The following GAS7 variants were observed in gnomAD, a reference collection of about 807,000 sequenced individuals.
GAS7 encodes growth arrest-specific protein 7.
In GAS7, 28 loss-of-function variants were observed where a neutral mutation model predicts 71.1. The ratio of observed to expected loss-of-function variants is 0.39; its 90% CI spans 0.29 to 0.54. The LOEUF (loss-of-function observed/expected upper bound fraction) is 0.54. Among genes scored for constraint, GAS7 ranks in the 20% least tolerant of loss-of-function variants. GAS7 has a pLI of 0.62. For missense variants in GAS7, 436 were observed against 627.8 expected, an observed-to-expected ratio of 0.69 and a Z score of 3.27; for synonymous variants, 258 against 245.8, an observed-to-expected ratio of 1.05 and a Z score of -0.46.
At chr17:10,159,892 C>T (rs1210533881) in intron 1 of GAS7, among the ~76,000 whole-genome samples, 1 of 150,854 alleles carries the variant, frequency 6.6e-6, no homozygotes, top group African/African-American at 2.4e-5. Flanking sequence ...CTCAAGTGAT[C>T]CTCCCACCTC....
intron 1 of GAS7, among the ~76,000 whole-genome samples, chr17:10,142,590 G>T (rs2074091513): frequency 6.6e-6 from 1 of 152,090 alleles, no homozygotes. Context: ...GACCTCAGGT[G>T]ATCAGCCCGC....
intron 1 of GAS7, among the ~76,000 whole-genome samples, chr17:10,187,167 T>C (rs1301476615): frequency 6.6e-6 from 1 of 152,202 alleles, no homozygotes; most frequent in African/African-American, 2.4e-5. Context: ...TCATGTGTCA[T>C]TCCTGGGCAA....
At chr17:10,043,491 A>C (rs1176707030) in intron 1 of GAS7, among the ~76,000 whole-genome samples, 1 of 152,280 alleles carries the variant, frequency 6.6e-6, no homozygotes, top group Non-Finnish European at 1.5e-5. Flanking sequence ...TCAAAAGTTA[A>C]CTACTAACAA....
chr17:10,186,402 C>CTT (rs71139025), intron 1 of GAS7, among the ~76,000 whole-genome samples: 24 of 128,122 alleles, frequency 1.9e-4, no homozygotes, highest in Admixed American at 5.8e-4. Context: ...TATTCAAAGG[C>CTT]TTTTTTTTTT....
At chr17:9,930,862 A>G (rs1184049032) in intron 9 of GAS7, among the ~76,000 whole-genome samples, 1 of 152,172 alleles carries the variant, frequency 6.6e-6, no homozygotes, top group African/African-American at 2.4e-5. Context: ...GGCCACCAAC[A>G]CTGACCGACA....
chr17:10,175,183 G>A (rs2074364350), intron 1 of GAS7, among the ~76,000 whole-genome samples: 1 of 148,878 alleles, frequency 6.7e-6, no homozygotes, highest in African/African-American at 2.5e-5. Context: ...GTAAAGAAGT[G>A]AACTATATAA....
intron 1 of GAS7, among the ~76,000 whole-genome samples, chr17:10,168,985 AT>A (rs1419912313): frequency 1.4e-5 from 2 of 148,146 alleles, no homozygotes; most frequent in African/African-American, 2.5e-5. Context: ...AAAAAAAAAA[AT>A]TAGTAATTAG....
intron 1 of GAS7, among the ~76,000 whole-genome samples, chr17:10,073,570 C>T (rs1445478369): frequency 6.6e-6 from 1 of 152,162 alleles, no homozygotes; most frequent in African/African-American, 2.4e-5. Context: ...GCAGCATCTG[C>T]GCCCCGCTCC....
At chr17:10,043,412 C>T (rs1012278696) in intron 1 of GAS7, among the ~76,000 whole-genome samples, 6 of 152,120 alleles carry the variant, frequency 3.9e-5, no homozygotes, top group South Asian at 2.1e-4. Context: ...TTGAACAACA[C>T]GAGGGTTTAG....
chr17:9,938,079 C>T (rs2068465652), intron 8 of GAS7, among the ~76,000 whole-genome samples: 1 of 152,146 alleles, frequency 6.6e-6, no homozygotes. Flanking sequence ...GGTTTATGTC[C>T]TGCCAAAATT....
rs76228439 is a variant in GAS7, at chr17:10,103,447, G to A, written c.184-83550C>T. ...CTAGCGACCCTACTCTAGCTGCCCA[G>A]TGAGACTGTTTTCCATTTTCCAAAA... On this transcript the variant is annotated intron_variant, in intron 1 of 13. Transcript: ENST00000432992. The surrounding 1 kb of genome is among the most constrained non-coding windows in gnomAD (Gnocchi z 5.5). Among the ~76,000 whole-genome samples, 1,709 of 152,274 alleles carry A rather than the reference G, an allele frequency of 0.011. 44 individuals carry two copies. The highest frequency in any genetic ancestry group is 0.039 in the African/African-American group (1,627 of 41,538).
intron 2 of GAS7, among the ~76,000 whole-genome samples, chr17:9,997,895 G>A (rs73262588): frequency 0.032 from 4,847 of 152,312 alleles, 260 homozygotes; most frequent in African/African-American, 0.11. Flanking sequence ...GGCCAGGGAT[G>A]GGGGAAGGGG....
Position 10,184,895 on chromosome 17 carries a change from G to A in GAS7, c.183+13313C>T, listed in dbSNP as rs978604812. Among the ~76,000 whole-genome samples the A allele has an allele frequency of 1.1e-4, 16 of 151,860 alleles. No homozygotes were observed. In the East Asian group the frequency reaches 2.7e-3, roughly 26 times the overall value. Reference sequence around the variant, plus strand: ...GACCTCCAGGAAAAGGGGGGCCATGGGAGGCTGGAGACCAAGCTCTATAAA... The same window carrying A: ...GACCTCCAGGAAAAGGGGGGCCATGAGAGGCTGGAGACCAAGCTCTATAAA... On this transcript the variant is annotated intron_variant, in intron 1 of 13. Transcript: ENST00000432992.
intron 1 of GAS7, among the ~76,000 whole-genome samples, chr17:10,110,220 A>G (rs747269708): frequency 1.3e-5 from 2 of 152,172 alleles, no homozygotes; most frequent in Non-Finnish European, 1.5e-5. Context: ...TCAGCATGAA[A>G]AAGAAAGAAA....
intron 1 of GAS7, among the ~76,000 whole-genome samples, chr17:10,087,203 T>C (rs778305326): frequency 2.0e-5 from 3 of 152,214 alleles, no homozygotes; most frequent in Non-Finnish European, 4.4e-5. Flanking sequence ...GGGAGAGCTC[T>C]ACACGCAAAC....
At chr17:9,954,035 C>T (rs919302678) in intron 5 of GAS7, among the ~76,000 whole-genome samples, 2 of 152,050 alleles carry the variant, frequency 1.3e-5, no homozygotes, top group African/African-American at 4.8e-5. Flanking sequence ...GACTGAGGGT[C>T]CAGGGGAGGA....
Position 9,913,980 on chromosome 17 carries a change from C to T in GAS7, c.*3248G>A, listed in dbSNP as rs903869915. On this transcript the variant is annotated 3_prime_UTR_variant, in exon 14 of 14. Transcript: ENST00000432992. ...CCCAGACCCGCCCACTTTGAATAAA[C>T]CCAGCTAAGTCCTCACCTAAGCACC... 6 of 231,920 alleles carry T rather than the reference C, an allele frequency of 2.6e-5. No homozygotes were observed. The highest frequency in any genetic ancestry group is 6.6e-5 in the African/African-American group (3 of 45,230). The allele number at this position is 231,920 out of a possible 1,614,324, so 14.4% of individuals were successfully genotyped here.
intron 1 of GAS7, among the ~76,000 whole-genome samples, chr17:10,064,469 G>A (rs1271782913): frequency 6.6e-5 from 10 of 152,184 alleles, no homozygotes; most frequent in Non-Finnish European, 7.3e-5. Flanking sequence ...CGAGGTTTCC[G>A]GGAGCAAGTG....
chr17:10,159,619 T>C (rs2074235780), intron 1 of GAS7, among the ~76,000 whole-genome samples: 1 of 152,058 alleles, frequency 6.6e-6, no homozygotes, highest in Non-Finnish European at 1.5e-5. Flanking sequence ...CAAGCAAAAT[T>C]ATTACACAAT....
Sources: gnomAD v4.1 joint callset for allele counts (sites outside exome capture counted in the v4.1 genomes callset) on GRCh38, gnomAD v4.1.1 for gene constraint, Gnocchi (gnomAD v3.1) non-coding constraint, MANE v1.5 for transcripts, NCBI Gene and HGNC (gene_info 2026-07-23, HGNC 2026-07-21) for gene names.